The following MYT1L variants were observed in gnomAD, a reference collection of about 807,000 sequenced individuals.
MYT1L encodes the protein myelin transcription factor 1 like.
MYT1L carries 12 observed loss-of-function variants against 126.7 expected under a neutral mutation model. The observed-to-expected ratio is 0.09, with a 90% CI of 0.06 to 0.15. The LOEUF (loss-of-function observed/expected upper bound fraction) is 0.15. Among genes scored for constraint, MYT1L ranks in the 10% least tolerant of loss-of-function variants. The probability of loss-of-function intolerance (pLI) is 1.00; values close to 1 mark genes in which losing one functional copy is unlikely to be tolerated. For synonymous variants in MYT1L, 541 were observed against 604.2 expected, an observed-to-expected ratio of 0.90 and a Z score of 1.53; for missense variants, 979 against 1,585.2, an observed-to-expected ratio of 0.62 and a Z score of 6.49.
At chr2:1,842,443 C>T (rs939932160) in intron 19 of MYT1L, 2 of 152,308 alleles carry the variant, frequency 1.3e-5, no homozygotes, top group Non-Finnish European at 2.9e-5. Context: ...TCCTCCTGCT[C>T]CTTCCCCTGT....
intron 4 of MYT1L, among the ~76,000 whole-genome samples, chr2:2,003,989 GCGTTCTTTCCTGCA>G (rs2062728348): frequency 2.7e-5 from 4 of 149,844 alleles, no homozygotes; most frequent in African/African-American, 9.9e-5. Flanking sequence ...TTTCCTGCAA[GCGTTCTTTCCTGCA>G]TGCCTTCTTT....
chr2:2,049,766 T>C (rs1004032675), intron 4 of MYT1L, among the ~76,000 whole-genome samples: 5 of 152,190 alleles, frequency 3.3e-5, no homozygotes, highest in African/African-American at 1.2e-4. Flanking sequence ...GGTTTCCCCT[T>C]TCACTTGGTC....
chr2:2,080,072 A>G (rs2075655058), intron 3 of MYT1L, among the ~76,000 whole-genome samples: 1 of 152,200 alleles, frequency 6.6e-6, no homozygotes, highest in Non-Finnish European at 1.5e-5. Context: ...TTAATGGGGG[A>G]AATCAAGTCT....
chr2:2,141,686 T>C (rs1575451867), intron 3 of MYT1L, among the ~76,000 whole-genome samples: 1 of 152,332 alleles, frequency 6.6e-6, no homozygotes, highest in East Asian at 1.9e-4. Flanking sequence ...TCAAGAGTGC[T>C]CACTCTTTGA....
intron 13 of MYT1L, 128 bp from the exon 14 acceptor site, chr2:1,903,422 C>G: frequency 1.4e-6 from 1 of 723,616 alleles, no homozygotes; most frequent in East Asian, 2.7e-5. Flanking sequence ...TGCACTAAAA[C>G]TACAACTTTT....
At position 2,261,142 on chromosome 2, in the gene MYT1L, CGTGTGT is replaced by C. The variant is rs10604026; in HGVS notation, c.-421+23256_-421+23261del. 2.6e-3 allele frequency among the ~76,000 whole-genome samples: 388 copies of C among 149,202 alleles called. 2 individuals are homozygous for C. The highest frequency in any genetic ancestry group is 7.8e-3 in the African/African-American group (318 of 40,624). On this transcript the variant is annotated intron_variant, in intron 2 of 24. Transcript: ENST00000647738. Reference sequence around the variant, plus strand: ...GCTGGGGTGCATGTGTGTGTGAGTGCGTGTGTGTGTGTGTGTGTGTGTGTGTATGTG... The same window carrying C: ...GCTGGGGTGCATGTGTGTGTGAGTGCGTGTGTGTGTGTGTGTGTGTATGTG...
chr2:2,109,873 T>C (rs1218560091), intron 3 of MYT1L, among the ~76,000 whole-genome samples: 2 of 82,012 alleles, frequency 2.4e-5, no homozygotes, highest in Non-Finnish European at 4.7e-5. Flanking sequence ...AAAGTGCTGA[T>C]TTTATATATA....
intron 2 of MYT1L, among the ~76,000 whole-genome samples, chr2:2,192,956 C>T (rs188754354): frequency 4.8e-4 from 73 of 152,182 alleles, no homozygotes; most frequent in African/African-American, 1.4e-3. Context: ...TACTCCCTGG[C>T]TCTTCAGGTT....
At chr2:2,098,338 A>G (rs138180055) in intron 3 of MYT1L, among the ~76,000 whole-genome samples, 51 of 152,346 alleles carry the variant, frequency 3.3e-4, no homozygotes, top group African/African-American at 1.1e-3. Context: ...CTGAACATTG[A>G]ATAAGATCAT....
chr2:2,298,676 A>G (rs1186782158), intron 1 of MYT1L, among the ~76,000 whole-genome samples: 1 of 152,158 alleles, frequency 6.6e-6, no homozygotes, highest in Non-Finnish European at 1.5e-5. Context: ...ATGAGCTTCC[A>G]CAAGTCCCTG....
intron 3 of MYT1L, among the ~76,000 whole-genome samples, chr2:2,098,213 A>G (rs1257116738): frequency 6.9e-6 from 1 of 144,440 alleles, no homozygotes; most frequent in Non-Finnish European, 1.5e-5. Context: ...GCACATTAAC[A>G]GATTGCTTAG....
intron 3 of MYT1L, among the ~76,000 whole-genome samples, chr2:2,104,653 T>C (rs535628825): frequency 5.9e-5 from 9 of 152,204 alleles, no homozygotes; most frequent in Non-Finnish European, 1.2e-4. Flanking sequence ...CTTTCTGTGG[T>C]CTTTGTCCGG....
intron 23 of MYT1L, among the ~76,000 whole-genome samples, chr2:1,794,964 C>T (rs1242003906): frequency 6.6e-6 from 1 of 152,176 alleles, no homozygotes; most frequent in African/African-American, 2.4e-5. Flanking sequence ...TCTGGAGACC[C>T]AAAACCAGAA....
At chr2:2,070,515 A>G (rs1419234255) in intron 3 of MYT1L, among the ~76,000 whole-genome samples, 1 of 152,122 alleles carries the variant, frequency 6.6e-6, no homozygotes, top group Non-Finnish European at 1.5e-5. Flanking sequence ...CTGAGGTTTG[A>G]CTTTTGTTGC....
intron 11 of MYT1L, among the ~76,000 whole-genome samples, chr2:1,916,672 A>G (rs1021123949): frequency 6.6e-6 from 1 of 152,256 alleles, no homozygotes; most frequent in African/African-American, 2.4e-5. Context: ...TTCCTTATTG[A>G]AGAACCTATA....
rs1319237110 is a variant in MYT1L at position 1,790,553 on chromosome 2, A to G, written c.*1314T>C. On this transcript the variant is annotated 3_prime_UTR_variant, in exon 25 of 25. Coordinates refer to ENST00000647738, the MANE Select transcript of MYT1L (RefSeq NM_001303052.2). ...TTAAAATCTGATTGCATTCATTCTT[A>G]GAATAGTCACAAGAAATCAAACAAT... 1 of 152,300 alleles carries G rather than the reference A, an allele frequency of 6.6e-6. No individual in the cohort carries two copies. The highest frequency in any genetic ancestry group is 1.5e-5 in the Non-Finnish European group (1 of 68,072). The allele number at this position is 152,300 out of a possible 1,614,324, so 9.4% of individuals were successfully genotyped here.
At chr2:2,181,911 C>G in intron 2 of MYT1L, among the ~76,000 whole-genome samples, 1 of 152,116 alleles carries the variant, frequency 6.6e-6, no homozygotes, top group Middle Eastern at 3.2e-3. Flanking sequence ...GCTCTATTTT[C>G]AGAGAGAAAC....
chr2:1,936,409 T>G (rs916667478), intron 9 of MYT1L, among the ~76,000 whole-genome samples: 1 of 152,238 alleles, frequency 6.6e-6, no homozygotes, highest in African/African-American at 2.4e-5. Context: ...ATTCTATGAT[T>G]ACTCATTCCC....
At chr2:1,891,684 C>T (rs1450020026) in intron 15 of MYT1L, among the ~76,000 whole-genome samples, 4 of 152,192 alleles carry the variant, frequency 2.6e-5, no homozygotes, top group Non-Finnish European at 5.9e-5. Context: ...AGGAGACCCA[C>T]GCTTCGTTTT....
Sources: allele counts gnomAD v4.1 joint callset (sites outside exome capture counted in the v4.1 genomes callset), GRCh38; gene constraint gnomAD v4.1.1; transcripts MANE v1.5; gene names NCBI Gene and HGNC (gene_info 2026-07-23, HGNC 2026-07-21).